GRM8: variants seen among roughly 807,000 people sequenced by gnomAD.
GRM8 encodes glutamate metabotropic receptor 8, also known as metabotropic glutamate receptor 8.
In GRM8, 47 loss-of-function variants were observed where a neutral mutation model predicts 87.2. The ratio of observed to expected loss-of-function variants is 0.54; its 90% CI spans 0.43 to 0.69. The LOEUF is 0.69. Among genes scored for constraint, GRM8 ranks in the 30% least tolerant of loss-of-function variants. The pLI is 0.00. For synonymous variants in GRM8, 396 were observed against 404.5 expected, an observed-to-expected ratio of 0.98 and a Z score of 0.25; for missense variants, 1,019 against 1,139.2, an observed-to-expected ratio of 0.89 and a Z score of 1.52.
chr7:127,109,709 T>C (rs926006354), intron 2 of GRM8, among the ~76,000 whole-genome samples: 1 of 152,210 alleles, frequency 6.6e-6, no homozygotes, highest in Non-Finnish European at 1.5e-5. Context: ...AGGGTCTCTG[T>C]TTCTTTATTT....
chr7:126,999,931 C>A (rs1321768810), intron 3 of GRM8, among the ~76,000 whole-genome samples: 1 of 151,890 alleles, frequency 6.6e-6, no homozygotes, highest in Non-Finnish European at 1.5e-5. Context: ...GGGATAGCTT[C>A]ACTCCCATGT....
intron 3 of GRM8, among the ~76,000 whole-genome samples, chr7:127,019,777 T>G (rs1202359670): frequency 6.6e-6 from 1 of 152,112 alleles, no homozygotes; most frequent in Non-Finnish European, 1.5e-5. Context: ...ATGCTAATTA[T>G]GTTACCCAAA....
At chr7:127,249,846 A>G (rs1798767491) in intron 1 of GRM8, among the ~76,000 whole-genome samples, 1 of 152,172 alleles carries the variant, frequency 6.6e-6, no homozygotes, top group Non-Finnish European at 1.5e-5. Context: ...TATCAAGAAA[A>G]CAGCAAGTTT....
rs1397782419 is a variant in GRM8 at position 126,533,897 on chromosome 7, T to TA, written c.1495-11dup. 2.5e-6 allele frequency: 4 copies of TA among 1,588,292 alleles called. No individual in the cohort carries two copies. Among genetic ancestry groups the TA allele is most frequent in the Non-Finnish European group, 8.6e-7 (1 of 1,164,450 alleles). ...ACTGCATGTCTTCCACCTGTGGGTA[T>TA]AAAAAATTAATGAGCCTTCCATTTT... On this transcript the variant is annotated splice_polypyrimidine_tract_variant and intron_variant, in intron 8 of 10. Coordinates refer to ENST00000339582, the MANE Select transcript of GRM8 (RefSeq NM_000845.3).
chr7:126,943,507 C>T (rs1467184551), intron 3 of GRM8, among the ~76,000 whole-genome samples: 1 of 152,216 alleles, frequency 6.6e-6, no homozygotes, highest in Non-Finnish European at 1.5e-5. Flanking sequence ...AAGGCTGGCA[C>T]AAAACTTACA....
intron 8 of GRM8, among the ~76,000 whole-genome samples, chr7:126,606,635 T>C (rs1271144244): frequency 6.6e-6 from 1 of 152,202 alleles, no homozygotes; most frequent in Non-Finnish European, 1.5e-5. Flanking sequence ...TCTTAATTTA[T>C]AACCTCTCTC....
chr7:127,203,381 T>C (rs1255918286), intron 2 of GRM8, among the ~76,000 whole-genome samples: 1 of 152,066 alleles, frequency 6.6e-6, no homozygotes, highest in Non-Finnish European at 1.5e-5. Flanking sequence ...CACAATATAC[T>C]CTTGTAACAA....
chr7:126,961,921 G>C (rs903888707), intron 3 of GRM8, among the ~76,000 whole-genome samples: 1 of 152,140 alleles, frequency 6.6e-6, no homozygotes, highest in African/African-American at 2.4e-5. Flanking sequence ...GCATAGAGGA[G>C]ACTTGATCCC....
Position 126,534,002 on chromosome 7 carries a change from C to T in GRM8, c.1495-115G>A, listed in dbSNP as rs150173972. The T allele has an allele frequency of 3.2e-4, 245 of 764,114 alleles. 1 individual carries two copies. In the African/African-American group the frequency reaches 3.3e-3, roughly 10 times the overall value. The allele number at this position is 764,114 out of a possible 1,614,324, so 47.3% of individuals were successfully genotyped here. A position where few individuals can be genotyped will look rare whatever the true frequency, so the allele number is the denominator to read the frequency against. On this transcript the variant is annotated intron_variant, in intron 8 of 10. Transcript: ENST00000339582. ...TGCTGACAGTACAAATACAGTTTAC[C>T]ATAATAAGAGTCTCGTTTTTTTTCC...
chr7:126,780,939 C>T (rs557491495), intron 6 of GRM8, among the ~76,000 whole-genome samples: 14 of 152,178 alleles, frequency 9.2e-5, no homozygotes, highest in African/African-American at 3.4e-4. Context: ...AAGGAGCATA[C>T]GGTGTCATGG....
chr7:126,661,221 A>C (rs1320932893), intron 7 of GRM8, among the ~76,000 whole-genome samples: 1 of 152,208 alleles, frequency 6.6e-6, no homozygotes, highest in African/African-American at 2.4e-5. Flanking sequence ...GGATGGATAC[A>C]TCATTTCCCA....
chr7:126,486,702 G>T (rs764563935), intron 9 of GRM8, among the ~76,000 whole-genome samples: 2 of 151,978 alleles, frequency 1.3e-5, no homozygotes, highest in African/African-American at 2.4e-5. Flanking sequence ...TTAAAACTGA[G>T]AAATATTTAA....
chr7:127,046,529 G>A (rs1295670508), intron 3 of GRM8, among the ~76,000 whole-genome samples: 1 of 152,086 alleles, frequency 6.6e-6, no homozygotes, highest in Non-Finnish European at 1.5e-5. Flanking sequence ...TTTCAAATGG[G>A]AATAATAGTG....
intron 3 of GRM8, among the ~76,000 whole-genome samples, chr7:127,048,580 G>T (rs760165525): frequency 8.5e-5 from 13 of 152,164 alleles, no homozygotes; most frequent in Admixed American, 3.9e-4. Flanking sequence ...TCAGCAGTTG[G>T]ATAAGATATA....
At chr7:127,177,415 C>T (rs1410518673) in intron 2 of GRM8, among the ~76,000 whole-genome samples, 3 of 152,186 alleles carry the variant, frequency 2.0e-5, no homozygotes, top group Admixed American at 6.5e-5. Context: ...CCCTATCCAC[C>T]CTGGAAACAG....
intron 6 of GRM8, among the ~76,000 whole-genome samples, chr7:126,778,669 G>A (rs77117390): frequency 6.6e-6 from 1 of 151,980 alleles, no homozygotes; most frequent in Non-Finnish European, 1.5e-5. Flanking sequence ...CATAGTTAAT[G>A]TTTCTCTTTT....
chr7:126,955,073 A>C (rs988175674), intron 3 of GRM8, among the ~76,000 whole-genome samples: 1 of 152,188 alleles, frequency 6.6e-6, no homozygotes, highest in Non-Finnish European at 1.5e-5. Context: ...ATTCAGAATA[A>C]AAGGCAAAAG....
chr7:126,892,140 T>C (rs1203076413), intron 6 of GRM8, among the ~76,000 whole-genome samples: 1 of 151,908 alleles, frequency 6.6e-6, no homozygotes, highest in Admixed American at 6.6e-5. Context: ...ATTTTTACTT[T>C]TTAAATTTTA....
chr7:126,464,731 A>G (rs911797908), intron 9 of GRM8, among the ~76,000 whole-genome samples: 5 of 151,764 alleles, frequency 3.3e-5, no homozygotes, highest in Non-Finnish European at 7.4e-5. Context: ...ATGACAATGT[A>G]ATGCTTATTA....
Sources: gnomAD v4.1 joint callset for allele counts (sites outside exome capture counted in the v4.1 genomes callset) on GRCh38, gnomAD v4.1.1 for gene constraint, MANE v1.5 for transcripts, NCBI Gene and HGNC (gene_info 2026-07-23, HGNC 2026-07-21) for gene names.